CASKIN1: variants seen among roughly 807,000 people sequenced by gnomAD.
CASKIN1 encodes CASK interacting protein 1, also known as caskin-1.
In CASKIN1, 42 loss-of-function variants were observed where a neutral mutation model predicts 117.5. That is an observed-to-expected ratio of 0.36 (90% confidence interval 0.28 to 0.46). The LOEUF is 0.46. CASKIN1 is among the 20% of genes least tolerant of loss of function. The pLI, the probability that CASKIN1 is intolerant of heterozygous loss-of-function variation, is 1.00. For missense variants in CASKIN1, 2,083 were observed against 2,077.3 expected (o/e 1.00, Z -0.05); for synonymous variants, 1,148 against 961.7 (o/e 1.19, Z -3.59).
Position 2,181,580 on chromosome 16 carries a change from C to A in CASKIN1, c.1788G>T (p.Met596Ile). 6.4e-7 allele frequency: 1 copy of A among 1,552,336 alleles called. No homozygotes were observed. The highest frequency in any genetic ancestry group is 8.7e-7 in the Non-Finnish European group (1 of 1,149,142). Residue 596 changes from methionine to isoleucine, a missense_variant, in exon 18 of 20, where the codon ATG (methionine) becomes ATT (isoleucine). Met to Ile is a conservative substitution (Grantham distance 10). This residue lies in a region of CASKIN1 where 1,818 missense variants were observed against 1,688.9 expected (regional missense o/e 1.08). Transcript: ENST00000343516. ...GCTCTGCCAGCTTCCTCACAGCGAG[C>A]ATCAGCTTCTTCTGGTGCCCTGAGT... ...ITKLGHQKKLMLAVRKLAELQ... is the reference protein window; with the variant it reads ...ITKLGHQKKLILAVRKLAELQ...
chr16:2,192,959 C>T (rs2093205236), intron 1 of CASKIN1, among the ~76,000 whole-genome samples: 2 of 152,348 alleles, frequency 1.3e-5, no homozygotes. Flanking sequence ...GCGGCCTGTG[C>T]TTGGCTCAGA....
Position 2,180,201 on chromosome 16 carries a change from C to A in CASKIN1, c.3167G>T (p.Gly1056Val). Residue 1056 changes from glycine to valine, a missense_variant, in exon 18 of 20, where the codon GGC becomes GTC. Coordinates refer to ENST00000343516, the MANE Select transcript of CASKIN1 (RefSeq NM_020764.4). ...GCGGCGCCGGTTCACCACCTCCCCG[C>A]CAGGCCCGATGGCCTCTTTGTGTTT... Reference protein sequence around the residue: ...SVKHKEAIGPGGEVVNRRRTL... With the variant: ...SVKHKEAIGPVGEVVNRRRTL... The A allele has an allele frequency of 6.5e-7, 1 of 1,550,082 alleles. No individual in the cohort carries two copies. Among genetic ancestry groups the A allele is most frequent in the Non-Finnish European group, 8.7e-7 (1 of 1,147,598 alleles).
rs757033865 is a variant in CASKIN1, at chr16:2,180,824, G to A, written c.2544C>T (p.Ala848=). The part of the protein sequence containing the change: ...QPVEGEVGPA[A]PGPAPPPVPT... ...GCACGGGTGGGGGCGCAGGCCCCGG[G>A]GCAGCCGGCCCCACCTCGCCCTCCA... The change falls in exon 18 of 20, where the codon GCC becomes GCT. Residue 848 remains alanine (A), a synonymous_variant. Transcript: ENST00000343516. The A allele has an allele frequency of 5.8e-6, 8 of 1,391,266 alleles. No individual in the cohort carries two copies. The highest frequency in any genetic ancestry group is 3.6e-5 in the Admixed American group (1 of 28,108). The allele number at this position is 1,391,266 out of a possible 1,614,324, so 86.2% of individuals were successfully genotyped here. A position where few individuals can be genotyped will look rare whatever the true frequency, so the allele number is the denominator to read the frequency against.
chr16:2,195,183 C>A (rs989859447), intron 1 of CASKIN1, among the ~76,000 whole-genome samples: 1 of 152,206 alleles, frequency 6.6e-6, no homozygotes, highest in Non-Finnish European at 1.5e-5. Context: ...GCACCGGTGC[C>A]CCCTCTCTCT....
rs2141308699 is a variant in CASKIN1 at position 2,179,183 on chromosome 16, C to G, written c.3918G>C (p.Gln1306His). 1 of 1,127,752 alleles carries G rather than the reference C, an allele frequency of 8.9e-7. No individual in the cohort carries two copies. 69.9% of individuals were successfully genotyped at this position (1,127,752 alleles called of 1,614,324 possible). A position where few individuals can be genotyped will look rare whatever the true frequency, so the allele number is the denominator to read the frequency against. Residue 1306 changes from glutamine to histidine, a missense_variant, in exon 19 of 20, where the codon CAG becomes CAC. Around this residue, in one of 3 missense-constraint regions of CASKIN1, gnomAD observed 1,818 missense variants for 1,688.9 expected, o/e 1.08. Transcript: ENST00000343516. This position sits in a 1 kb window ranked among gnomAD's most constrained non-coding sequence, Gnocchi z 5.8. ...GCGGCTTGGCGAGGGCGGCGGGCGG[C>G]TGTCGCGCGGGCGAGGGTGCGGGTG... ...GPSPAPSPAR[Q>H]PPAALAKPPG...
At chr16:2,190,052 G>A in intron 3 of CASKIN1, 21 bp downstream of exon 3, 1 of 1,054,590 alleles carries the variant, frequency 9.5e-7, no homozygotes, top group Non-Finnish European at 1.4e-6. Context: ...GCCCCCACCA[G>A]AGGCCCTCGG....
chr16:2,192,304 A>T (rs1283849958), intron 1 of CASKIN1, among the ~76,000 whole-genome samples: 22 of 147,040 alleles, frequency 1.5e-4, no homozygotes, highest in Middle Eastern at 3.5e-3. Flanking sequence ...CCCTGTCTCA[A>T]AAAAAAAAAA....
rs779597891 is a variant in CASKIN1, at chr16:2,181,502, C to T, written c.1866G>A (p.Ala622=). ...TGGCCATCACTTCAAGAGACTGGGG[C>T]GCCTTCCGGCGCAGGGGGCCCCCCT... ...KYEGGPLRRK[A]PQSLEVMAIE... is the part of the protein sequence containing the mutation. Residue 622 remains alanine, a synonymous_variant, in exon 18 of 20, where the codon GCG becomes GCA. Coordinates refer to ENST00000343516, the MANE Select transcript of CASKIN1 (RefSeq NM_020764.4). The T allele has an allele frequency of 1.9e-5, 31 of 1,609,942 alleles. No individual in the cohort carries two copies. The East Asian group carries it at 4.5e-4, about 23-fold the overall frequency.
chr16:2,189,479 G>A lies in CASKIN1; in HGVS notation c.330C>T (p.Ile110=). The change falls in exon 4 of 20, where the codon ATC becomes ATT. Residue 110 remains isoleucine (I), a synonymous_variant. Coordinates refer to ENST00000343516, the MANE Select transcript of CASKIN1 (RefSeq NM_020764.4). The part of the protein sequence containing the change: ...LVLKAGSAVN[I]PSDEGHIPLH... Reference sequence around the variant, plus strand: ...GGGGGATGTGGCCCTCATCAGACGGGATGTTCACGGCCGAGCCCGCCTTCA... The same window carrying A: ...GGGGGATGTGGCCCTCATCAGACGGAATGTTCACGGCCGAGCCCGCCTTCA... 2 of 1,612,246 alleles carry A rather than the reference G, an allele frequency of 1.2e-6. No homozygotes were observed. Among genetic ancestry groups the A allele is most frequent in the Non-Finnish European group, 1.7e-6 (2 of 1,179,814 alleles).
At chr16:2,183,144 G>A (rs1043418648) in intron 16 of CASKIN1, among the ~76,000 whole-genome samples, 1 of 152,248 alleles carries the variant, frequency 6.6e-6, no homozygotes, top group African/African-American at 2.4e-5. Flanking sequence ...TGAGAATGGG[G>A]GTGTCAGCTA....
chr16:2,193,528 C>T (rs1596695506), intron 1 of CASKIN1, among the ~76,000 whole-genome samples: 1 of 152,352 alleles, frequency 6.6e-6, no homozygotes, highest in Non-Finnish European at 1.5e-5. Flanking sequence ...GGACAGCCCT[C>T]AGCATGTCCC....
At chr16:2,186,617 G>A (rs2032822286) in intron 10 of CASKIN1, 90 bp downstream of exon 10, 1 of 1,177,860 alleles carries the variant, frequency 8.5e-7, no homozygotes, top group African/African-American at 1.5e-5. Context: ...ACCCAGCCCT[G>A]CTGGGCCCCC....
Position 2,190,131 on chromosome 16 carries a change from C to T in CASKIN1, c.186G>A (p.Thr62=), listed in dbSNP as rs766287725. ...CCTCCAGCAGCAGGCTGATCAATTC[C>T]GTGTTGCCGTTCAGGGCCGCATGGT... ...ALHHAALNGN[T]ELISLLLEAQ... The change falls in exon 3 of 20, where the codon ACG becomes ACA. Residue 62 remains threonine, a synonymous_variant. Transcript: ENST00000343516. The T allele has an allele frequency of 8.7e-6, 14 of 1,612,952 alleles. No individual in the cohort carries two copies. Among genetic ancestry groups the T allele is most frequent in the South Asian group, 2.2e-5 (2 of 91,096 alleles).
intron 1 of CASKIN1, among the ~76,000 whole-genome samples, chr16:2,195,546 G>A (rs1445236280): frequency 2.0e-5 from 3 of 152,254 alleles, no homozygotes; most frequent in Admixed American, 6.5e-5. Flanking sequence ...GCTGAGCCAG[G>A]ATGAGTGCTG....
rs1237491394 is a variant in CASKIN1, at chr16:2,179,959, TCTC to T, written c.3406_3408del (p.Glu1136del). 8 of 1,606,954 alleles carry T rather than the reference TCTC, an allele frequency of 5.0e-6. No individual in the cohort carries two copies. The highest frequency in any genetic ancestry group is 2.2e-5 in the East Asian group (1 of 44,512). On this transcript the variant is annotated inframe_deletion, in exon 18 of 20. Transcript: ENST00000343516. The surrounding 1 kb of genome is among the most constrained non-coding windows in gnomAD (Gnocchi z 5.8). ...GACTCGGTCAGGATGAACTTGACGT[TCTC>T]CTGCTGGTTCTGCTTGGCCCGGATG...
Position 2,180,845 on chromosome 16 carries a change from C to T in CASKIN1, c.2523G>A (p.Glu841=), listed in dbSNP as rs1032528072. The T allele has an allele frequency of 1.4e-6, 2 of 1,398,068 alleles. No individual in the cohort carries two copies. The highest frequency in any genetic ancestry group is 3.0e-5 in the African/African-American group (2 of 66,276). 86.6% of individuals were successfully genotyped at this position (1,398,068 alleles called of 1,614,324 possible). ...GFAYVLPQPV[E]GEVGPAAPGP... is the part of the protein sequence containing the mutation. ...CCGGGGCAGCCGGCCCCACCTCGCC[C>T]TCCACGGGCTGGGGCAGCACGTAGG... Residue 841 remains glutamate, a synonymous_variant, in exon 18 of 20, where the codon GAG becomes GAA. Coordinates refer to ENST00000343516, the MANE Select transcript of CASKIN1 (RefSeq NM_020764.4).
In CASKIN1 at chr16:2,177,750, G is replaced by C; in HGVS notation, c.*800C>G. ...CATTCACCAAACCCACCCGCGCCCT[G>C]GGACGCAGCCACGCCAGGAGGAGGA... On this transcript the variant is annotated 3_prime_UTR_variant, in exon 20 of 20. Transcript: ENST00000343516. 4.1e-6 allele frequency: 1 copy of C among 243,840 alleles called. No individual in the cohort carries two copies. The highest frequency in any genetic ancestry group is 2.2e-5 in the African/African-American group (1 of 45,220). The allele number at this position is 243,840 out of a possible 1,614,324, so 15.1% of individuals were successfully genotyped here. A position where few individuals can be genotyped will look rare whatever the true frequency, so the allele number is the denominator to read the frequency against.
intron 6 of CASKIN1, among the ~76,000 whole-genome samples, chr16:2,188,542 G>A (rs1462213777): frequency 1.3e-5 from 2 of 150,376 alleles, no homozygotes; most frequent in Non-Finnish European, 1.5e-5. Context: ...GTAGAGATGG[G>A]GTCTTGACAT....
chr16:2,179,116 G>C lies in CASKIN1; in HGVS notation c.3985C>G (p.Pro1329Ala). The change falls in exon 19 of 20, where the codon CCG becomes GCG. Residue 1329 changes from proline to alanine, a missense_variant. Pro to Ala is a conservative substitution (Grantham distance 27, BLOSUM62 -1). Transcript: ENST00000343516. The surrounding 1 kb of genome is among the most constrained non-coding windows in gnomAD (Gnocchi z 5.8). ...TGCAGCGCGGGCGCGCCGGGGGACG[G>C]GGGCTTGGCGGGGCTGGCGCCCAGC... Reference protein sequence around the residue: ...PSLGASPAKPPSPGAPALHVP... With the variant: ...PSLGASPAKPASPGAPALHVP... 3 of 1,008,062 alleles carry C rather than the reference G, an allele frequency of 3.0e-6. No individual in the cohort carries two copies. Among genetic ancestry groups the C allele is most frequent in the Non-Finnish European group, 3.5e-6 (3 of 846,450 alleles). 62.4% of individuals were successfully genotyped at this position (1,008,062 alleles called of 1,614,324 possible). A position where few individuals can be genotyped will look rare whatever the true frequency, so the allele number is the denominator to read the frequency against.
Sources: allele counts gnomAD v4.1 joint callset (sites outside exome capture counted in the v4.1 genomes callset), GRCh38; gene constraint gnomAD v4.1.1; regional missense constraint gnomAD v4.1.1; non-coding constraint Gnocchi (gnomAD v3.1); transcripts MANE v1.5; gene names NCBI Gene and HGNC (gene_info 2026-07-23, HGNC 2026-07-21).